The following BTBD10 variants were observed in gnomAD, a reference collection of about 807,000 sequenced individuals.
The protein encoded by BTBD10 is BTB/POZ domain-containing protein 10.
A neutral mutation model predicts 53.2 loss-of-function variants in BTBD10; 21 were observed. The observed-to-expected ratio is 0.39, with a 90% CI of 0.28 to 0.57. BTBD10 has a LOEUF of 0.57. Ranked by LOEUF, BTBD10 falls within the 20% of genes least tolerant of loss-of-function variation. The pLI is 0.53. For synonymous variants in BTBD10, 149 were observed against 192.7 expected, an observed-to-expected ratio of 0.77 and a Z score of 1.88; for missense variants, 360 against 594.7, an observed-to-expected ratio of 0.61 and a Z score of 4.10.
rs780602001 is a variant in BTBD10 at position 13,421,641 on chromosome 11, C to A, written c.298+1G>T. On this transcript the variant is annotated splice_donor_variant, in intron 3 of 8. Coordinates refer to ENST00000278174, the MANE Select transcript of BTBD10 (RefSeq NM_032320.7). LOFTEE classifies it high-confidence loss of function. ...TAGGAAGGTTAGTTGATTTTACATA[C>A]CAACATGGTGCTGTCGTGTTGGAGA... 3 of 1,609,922 alleles carry A rather than the reference C, an allele frequency of 1.9e-6. No homozygotes were observed. Among genetic ancestry groups the A allele is most frequent in the Non-Finnish European group, 2.5e-6 (3 of 1,177,990 alleles).
chr11:13,458,780 G>C (rs1376524718), intron 1 of BTBD10, among the ~76,000 whole-genome samples: 1 of 152,138 alleles, frequency 6.6e-6, no homozygotes, highest in Non-Finnish European at 1.5e-5. Flanking sequence ...AGGAGGTTAT[G>C]GTCTTCTCTA....
chr11:13,436,828 C>T (rs1160628648), intron 2 of BTBD10, among the ~76,000 whole-genome samples: 2 of 152,174 alleles, frequency 1.3e-5, no homozygotes, highest in African/African-American at 2.4e-5. Context: ...GTCATCCAGA[C>T]TGGAGTGCAG....
chr11:13,422,653 A>AT (rs1233783246), intron 2 of BTBD10, among the ~76,000 whole-genome samples: 1 of 152,246 alleles, frequency 6.6e-6, no homozygotes, highest in Non-Finnish European at 1.5e-5. Flanking sequence ...GGAAAAAAAA[A>AT]GAAAAAGAAA....
At chr11:13,391,775 C>G (rs1263093907) in intron 8 of BTBD10, among the ~76,000 whole-genome samples, 2 of 152,242 alleles carry the variant, frequency 1.3e-5, no homozygotes, top group African/African-American at 4.8e-5. Context: ...GAAACCCCAT[C>G]TCTACTAAAA....
intron 2 of BTBD10, 127 bp downstream of exon 2, chr11:13,444,897 C>A: frequency 5.5e-6 from 3 of 543,384 alleles, no homozygotes; most frequent in Non-Finnish European, 9.6e-6. Flanking sequence ...GACAGATAAA[C>A]ATTCACAACG....
intron 1 of BTBD10, among the ~76,000 whole-genome samples, chr11:13,447,729 A>G (rs1047769811): frequency 2.0e-5 from 3 of 152,186 alleles, no homozygotes; most frequent in Non-Finnish European, 4.4e-5. Flanking sequence ...ATCAGCTGAA[A>G]AATCATATTC....
rs57062089 is a variant in BTBD10, at chr11:13,445,011, A to AT, written c.101+12dup. On this transcript the variant is annotated intron_variant, in intron 2 of 8. Transcript: ENST00000278174. Reference sequence around the variant, plus strand: ...CAGAGCTTTCATATGCGAAATACATATTTTCTACCTACCTTGAATGTTTAT... The same window carrying AT: ...CAGAGCTTTCATATGCGAAATACATATTTTTCTACCTACCTTGAATGTTTAT... The AT allele has an allele frequency of 1.9e-6, 3 of 1,587,298 alleles. No homozygotes were observed. The highest frequency in any genetic ancestry group is 2.6e-6 in the Non-Finnish European group (3 of 1,156,524).
intron 1 of BTBD10, among the ~76,000 whole-genome samples, chr11:13,448,187 CATCTT>C (rs1950783959): frequency 6.6e-6 from 1 of 152,046 alleles, no homozygotes; most frequent in African/African-American, 2.4e-5. Flanking sequence ...TCAAAAAACT[CATCTT>C]AGAAAGGGGA....
At chr11:13,443,012 C>A (rs1022824890) in intron 2 of BTBD10, among the ~76,000 whole-genome samples, 2 of 151,976 alleles carry the variant, frequency 1.3e-5, no homozygotes, top group African/African-American at 2.4e-5. Flanking sequence ...AAAATCAATT[C>A]ACTGGTATTT....
rs765953914 is a variant in BTBD10 at position 13,405,762 on chromosome 11, G to A, written c.903C>T (p.Ala301=). The A allele has an allele frequency of 1.8e-5, 29 of 1,613,610 alleles. No individual in the cohort carries two copies. In the South Asian group the frequency reaches 3.0e-4, roughly 16 times the overall value. ...EMILPLMVAS[A]QSGERECHIV... ...TATGACATTCCCGTTCCCCACTCTG[G>A]GCACTAGCTACCATGAGAGGGAGGA... Residue 301 remains alanine, a synonymous_variant, in exon 7 of 9, where the codon GCC becomes GCT. Coordinates refer to ENST00000278174, the MANE Select transcript of BTBD10 (RefSeq NM_032320.7).
intron 2 of BTBD10, among the ~76,000 whole-genome samples, chr11:13,433,916 T>C (rs943411631): frequency 5.9e-5 from 9 of 152,222 alleles, no homozygotes; most frequent in Non-Finnish European, 1.2e-4. Context: ...ATTAGCCTTC[T>C]ATAAACTTTC....
intron 8 of BTBD10, 61 bp from the exon 9 acceptor site, chr11:13,389,202 G>A (rs1345117398): frequency 1.2e-5 from 17 of 1,414,006 alleles, no homozygotes; most frequent in African/African-American, 2.9e-5. Flanking sequence ...ACCCAATTTC[G>A]CCTTAGAAAG....
rs1029579113 is a variant in BTBD10 at position 13,400,637 on chromosome 11, C to T, written c.1117+2531G>A. On this transcript the variant is annotated intron_variant, in intron 8 of 8. Transcript: ENST00000278174. ...CAGAAATCACCCATTTTCTGCGTCG[C>T]TCACGCTGGAAGCTGTAGACTGGAG... Among the ~76,000 whole-genome samples the T allele has an allele frequency of 2.6e-5, 4 of 152,244 alleles. No individual in the cohort carries two copies. The South Asian group carries it at 8.3e-4, about 31-fold the overall frequency.
rs1036964619 is a variant in BTBD10, at chr11:13,399,421, C to T, written c.1117+3747G>A. Among the ~76,000 whole-genome samples, 8 of 152,244 alleles carry T rather than the reference C, an allele frequency of 5.3e-5. 2 individuals carry two copies. The highest frequency in any genetic ancestry group is 1.7e-4 in the African/African-American group (7 of 41,558). On this transcript the variant is annotated intron_variant, in intron 8 of 8. Transcript: ENST00000278174. ...ATCAGGTCCTTTAAGAACTTCTCTG[C>T]ATTGGTTATTCTAGTTAGCCATTCG...
At chr11:13,420,273 C>T (rs913125542) in intron 3 of BTBD10, among the ~76,000 whole-genome samples, 6 of 151,556 alleles carry the variant, frequency 4.0e-5, no homozygotes, top group African/African-American at 1.5e-4. Flanking sequence ...GGTCCCCTTT[C>T]CCCCACAAAA....
At chr11:13,389,228 TC>T in intron 8 of BTBD10, 87 bp from the exon 9 acceptor site, 3 of 1,090,118 alleles carry the variant, frequency 2.8e-6, no homozygotes, top group Non-Finnish European at 3.9e-6. Flanking sequence ...CTGCTATAGA[TC>T]CTAAAGAAAC....
intron 2 of BTBD10, among the ~76,000 whole-genome samples, chr11:13,432,303 C>T (rs142806924): frequency 6.6e-6 from 1 of 151,718 alleles, no homozygotes; most frequent in Non-Finnish European, 1.5e-5. Context: ...TTACATGAAT[C>T]TATACATACA....
At chr11:13,439,265 A>C (rs2134018277) in intron 2 of BTBD10, among the ~76,000 whole-genome samples, 1 of 152,228 alleles carries the variant, frequency 6.6e-6, no homozygotes, top group African/African-American at 2.4e-5. Flanking sequence ...TTAAAATCTC[A>C]CAGGAAAAAC....
intron 8 of BTBD10, among the ~76,000 whole-genome samples, chr11:13,394,624 C>T (rs1299462594): frequency 6.6e-6 from 1 of 152,092 alleles, no homozygotes; most frequent in Non-Finnish European, 1.5e-5. Flanking sequence ...TATACATGTG[C>T]CATGTTGGTG....
Sources: allele counts gnomAD v4.1 joint callset (sites outside exome capture counted in the v4.1 genomes callset), GRCh38; gene constraint gnomAD v4.1.1; transcripts MANE v1.5; gene names NCBI Gene and HGNC (gene_info 2026-07-23, HGNC 2026-07-21).